The following CSMD1 variants were observed in gnomAD, a reference collection of about 807,000 sequenced individuals.
CSMD1 encodes the protein CUB and Sushi multiple domains 1.
A neutral mutation model predicts 417.5 loss-of-function variants in CSMD1; 213 were observed. That is an observed-to-expected ratio of 0.51 (90% CI 0.46 to 0.57). The LOEUF is 0.57. Ranked by LOEUF, CSMD1 falls within the 20% of genes least tolerant of loss-of-function variation. The probability of loss-of-function intolerance (pLI) is 0.00; values close to 1 mark genes in which losing one functional copy is unlikely to be tolerated. For synonymous variants in CSMD1, 2,862 were observed against 1,736.8 expected (o/e 1.65, Z -16.11); for missense variants, 6,923 against 4,529.7 (o/e 1.53, Z -15.17).
At chr8:3,874,169 G>A (rs1483534540) in intron 5 of CSMD1, among the ~76,000 whole-genome samples, 1 of 152,156 alleles carries the variant, frequency 6.6e-6, no homozygotes, top group Admixed American at 6.5e-5. Context: ...GTGCTATAAA[G>A]TGTAATTATC....
At chr8:4,932,978 G>C (rs1285981752) in intron 1 of CSMD1, among the ~76,000 whole-genome samples, 1 of 152,004 alleles carries the variant, frequency 6.6e-6, no homozygotes, top group East Asian at 1.9e-4. Flanking sequence ...ATTGAAGATG[G>C]GATTATAAAA....
chr8:3,462,399 G>C (rs1816560918), intron 12 of CSMD1, among the ~76,000 whole-genome samples: 1 of 152,164 alleles, frequency 6.6e-6, no homozygotes, highest in Non-Finnish European at 1.5e-5. Flanking sequence ...CAGGAGGTGA[G>C]CAGCAGGCAA....
chr8:4,956,967 T>C (rs2117312490), intron 1 of CSMD1, among the ~76,000 whole-genome samples: 1 of 152,334 alleles, frequency 6.6e-6, no homozygotes, highest in African/African-American at 2.4e-5. Flanking sequence ...TTGGGAAGCC[T>C]AACCATGCTC....
At chr8:3,067,108 A>G (rs1323838496) in intron 49 of CSMD1, among the ~76,000 whole-genome samples, 6 of 152,042 alleles carry the variant, frequency 3.9e-5, no homozygotes, top group Non-Finnish European at 5.9e-5. Flanking sequence ...GGTCAATACA[A>G]TCAGTCTACG....
intron 27 of CSMD1, among the ~76,000 whole-genome samples, chr8:3,225,048 T>C (rs1051729518): frequency 3.3e-5 from 5 of 152,204 alleles, no homozygotes; most frequent in Admixed American, 6.6e-5. Flanking sequence ...CTAAAAAATA[T>C]GTAGAAAAGA....
intron 1 of CSMD1, among the ~76,000 whole-genome samples, chr8:4,981,465 G>C (rs867320514): frequency 2.6e-5 from 4 of 152,280 alleles, no homozygotes; most frequent in Middle Eastern, 3.4e-3. Flanking sequence ...ACCAAAACCT[G>C]ATATCATCAA....
At chr8:3,537,686 T>C (rs1047407629) in intron 10 of CSMD1, among the ~76,000 whole-genome samples, 1 of 152,244 alleles carries the variant, frequency 6.6e-6, no homozygotes, top group Admixed American at 6.5e-5. Context: ...TACAATACTT[T>C]GTATTTGCAA....
intron 2 of CSMD1, among the ~76,000 whole-genome samples, chr8:4,477,142 G>A (rs1800844985): frequency 6.6e-6 from 1 of 152,152 alleles, no homozygotes; most frequent in Admixed American, 6.5e-5. Context: ...TTATCCAGTG[G>A]GCATTCTGTG....
chr8:3,582,152 G>C (rs11785164), intron 9 of CSMD1, among the ~76,000 whole-genome samples: 371 of 152,290 alleles, frequency 2.4e-3, no homozygotes, highest in Middle Eastern at 0.024. Context: ...AATGAACTTG[G>C]AAAATGGTCC....
intron 2 of CSMD1, among the ~76,000 whole-genome samples, chr8:4,636,295 T>G (rs1802807368): frequency 6.6e-6 from 1 of 152,202 alleles, no homozygotes; most frequent in South Asian, 2.1e-4. Context: ...GGTATAATTT[T>G]TTCTTGTTGA....
At chr8:2,999,791 C>G (rs947074142) in intron 53 of CSMD1, among the ~76,000 whole-genome samples, 167 bp downstream of exon 53, 1 of 151,982 alleles carries the variant, frequency 6.6e-6, no homozygotes, top group African/African-American at 2.4e-5. Context: ...AAAAGGAAAG[C>G]GTGAACATGG....
chr8:3,045,585 A>G (rs1811382866), intron 50 of CSMD1, among the ~76,000 whole-genome samples: 2 of 152,152 alleles, frequency 1.3e-5, no homozygotes, highest in African/African-American at 4.8e-5. Context: ...TGGTGACCCC[A>G]TCACCTACTT....
chr8:3,857,210 G>T (rs887067425), intron 5 of CSMD1, among the ~76,000 whole-genome samples: 1 of 152,120 alleles, frequency 6.6e-6, no homozygotes, highest in East Asian at 1.9e-4. Context: ...GTACAGGAGG[G>T]AGTAATTAAT....
intron 1 of CSMD1, among the ~76,000 whole-genome samples, chr8:4,992,944 G>A (rs1811554010): frequency 6.6e-6 from 1 of 152,226 alleles, no homozygotes; most frequent in South Asian, 2.1e-4. Context: ...AGGAGCTGGT[G>A]CTGAGCGGTC....
At chr8:4,279,774 A>G (rs577476024) in intron 3 of CSMD1, among the ~76,000 whole-genome samples, 2 of 152,308 alleles carry the variant, frequency 1.3e-5, no homozygotes, top group Admixed American at 6.5e-5. Context: ...TCTACGTAAG[A>G]TATGGAGGAG....
intron 3 of CSMD1, among the ~76,000 whole-genome samples, chr8:4,172,023 T>C (rs955245761): frequency 3.3e-5 from 5 of 152,178 alleles, no homozygotes; most frequent in African/African-American, 4.8e-5. Flanking sequence ...GCACATAATA[T>C]TTTCAAATAA....
At position 3,350,976 on chromosome 8, in the gene CSMD1, G is replaced by A. The variant is rs143774671; in HGVS notation, c.3305-2815C>T. ...TGATGACCCTGTATAGACAGACAAT[G>A]CTGCTGCTTTGCCTTTTAGAAAAAA... On this transcript the variant is annotated intron_variant, in intron 21 of 69. Coordinates refer to ENST00000635120, the MANE Select transcript of CSMD1 (RefSeq NM_033225.6). 9.9e-5 allele frequency among the ~76,000 whole-genome samples: 15 copies of A among 152,280 alleles called. No individual in the cohort carries two copies. The South Asian group carries it at 1.0e-3, about 11-fold the overall frequency.
chr8:3,479,093 T>A (rs1020497839), intron 11 of CSMD1, among the ~76,000 whole-genome samples: 1 of 151,878 alleles, frequency 6.6e-6, no homozygotes, highest in African/African-American at 2.4e-5. Context: ...TGGAGACTCC[T>A]TGGGCACTAA....
At chr8:3,308,641 A>AAAAG in intron 23 of CSMD1, 138 bp from the exon 24 acceptor site, 3 of 653,644 alleles carry the variant, frequency 4.6e-6, no homozygotes, top group Non-Finnish European at 7.8e-6. Context: ...TACAAAGGGG[A>AAAAG]AAAGAAAGAT....
Sources: allele counts gnomAD v4.1 joint callset (sites outside exome capture counted in the v4.1 genomes callset), GRCh38; gene constraint gnomAD v4.1.1; transcripts MANE v1.5; gene names NCBI Gene and HGNC (gene_info 2026-07-23, HGNC 2026-07-21).